Variants in GPC5 observed in about 807,000 individuals in gnomAD.
GPC5 encodes glypican-5.
A neutral mutation model predicts 53.9 loss-of-function variants in GPC5; 47 were observed. That is an observed-to-expected ratio of 0.87 (90% CI 0.69 to 1.11). The LOEUF is 1.11. Among genes scored for constraint, GPC5 ranks in the 50% most tolerant of loss-of-function variants. GPC5 has a pLI of 0.00. For missense variants in GPC5, 748 were observed against 713.1 expected, an observed-to-expected ratio of 1.05 and a Z score of -0.56; for synonymous variants, 286 against 263.3, an observed-to-expected ratio of 1.09 and a Z score of -0.84.
chr13:92,513,444 C>T (rs1880649977), intron 7 of GPC5, among the ~76,000 whole-genome samples: 1 of 149,594 alleles, frequency 6.7e-6, no homozygotes. Context: ...TTTCCACATC[C>T]TAGTTAAAAA....
chr13:92,756,098 C>T (rs200906200), intron 7 of GPC5, among the ~76,000 whole-genome samples: 4 of 151,476 alleles, frequency 2.6e-5, no homozygotes, highest in Non-Finnish European at 5.9e-5. Context: ...ACTGGCAAAA[C>T]GAATCCAGCA....
chr13:92,119,673 G>A (rs2041632689), intron 6 of GPC5, among the ~76,000 whole-genome samples: 1 of 147,754 alleles, frequency 6.8e-6, no homozygotes, highest in Non-Finnish European at 1.5e-5. Flanking sequence ...GCCCGCTTCG[G>A]CCTCCCAAAG....
intron 2 of GPC5, among the ~76,000 whole-genome samples, chr13:91,532,611 A>T (rs4771839): frequency 0.85 from 128,808 of 152,110 alleles, 56,278 homozygotes; most frequent in East Asian, 1. Flanking sequence ...CACACCTGTA[A>T]TCCCAGCACT....
intron 7 of GPC5, among the ~76,000 whole-genome samples, chr13:92,152,497 T>C (rs750095203): frequency 6.6e-6 from 1 of 152,178 alleles, no homozygotes; most frequent in Admixed American, 6.5e-5. Flanking sequence ...GGTAGTTTTT[T>C]AAAAATGCTT....
intron 7 of GPC5, among the ~76,000 whole-genome samples, chr13:92,151,504 T>G (rs2138993122): frequency 6.6e-6 from 1 of 152,284 alleles, no homozygotes; most frequent in Non-Finnish European, 1.5e-5. Context: ...ATCATATGAT[T>G]AAGGACATTT....
At chr13:92,073,258 C>A (rs2041227319) in intron 6 of GPC5, among the ~76,000 whole-genome samples, 1 of 152,150 alleles carries the variant, frequency 6.6e-6, no homozygotes, top group South Asian at 2.1e-4. Context: ...TTTGCTTATT[C>A]ATAACTATAG....
intron 7 of GPC5, among the ~76,000 whole-genome samples, chr13:92,612,664 A>G (rs577847348): frequency 6.2e-4 from 95 of 152,116 alleles, no homozygotes; most frequent in Non-Finnish European, 1.3e-3. Flanking sequence ...CTCACATTGC[A>G]CTATAGAGAT....
intron 2 of GPC5, among the ~76,000 whole-genome samples, chr13:91,641,020 C>T (rs2034413833): frequency 6.6e-6 from 1 of 152,086 alleles, no homozygotes. Flanking sequence ...AGCAAACTAA[C>T]ACAGGAACAG....
intron 7 of GPC5, among the ~76,000 whole-genome samples, chr13:92,355,823 A>G (rs549688748): frequency 6.6e-6 from 1 of 151,796 alleles, no homozygotes; most frequent in South Asian, 2.1e-4. Context: ...TCTATGTCTA[A>G]TACTGTCAAT....
chr13:91,827,950 G>A (rs1379747439), intron 5 of GPC5, among the ~76,000 whole-genome samples: 1 of 151,986 alleles, frequency 6.6e-6, no homozygotes, highest in East Asian at 1.9e-4. Context: ...TCCATCAACA[G>A]CAGAAAAGAT....
intron 2 of GPC5, among the ~76,000 whole-genome samples, chr13:91,577,602 C>G (rs899938325): frequency 6.6e-6 from 1 of 152,186 alleles, no homozygotes; most frequent in Admixed American, 6.5e-5. Flanking sequence ...CCAGAACATT[C>G]ACATTGCATG....
chr13:92,848,359 T>G (rs1482267720), intron 7 of GPC5, among the ~76,000 whole-genome samples: 2 of 152,092 alleles, frequency 1.3e-5, no homozygotes, highest in Non-Finnish European at 2.9e-5. Context: ...TCTCCTAGCA[T>G]GAATTCTGTG....
intron 7 of GPC5, among the ~76,000 whole-genome samples, chr13:92,295,645 A>G (rs1414857397): frequency 6.6e-6 from 1 of 152,164 alleles, no homozygotes; most frequent in Non-Finnish European, 1.5e-5. Context: ...CTCCAGTATT[A>G]GGTGCATATA....
At chr13:91,771,375 C>T (rs571151201) in intron 5 of GPC5, among the ~76,000 whole-genome samples, 7 of 152,190 alleles carry the variant, frequency 4.6e-5, no homozygotes, top group African/African-American at 1.4e-4. Flanking sequence ...GCTATTCTTG[C>T]GTCTTTGAAG....
intron 7 of GPC5, among the ~76,000 whole-genome samples, chr13:92,223,923 A>T (rs886865963): frequency 1.3e-5 from 2 of 152,150 alleles, no homozygotes; most frequent in Non-Finnish European, 2.9e-5. Flanking sequence ...TCATTCCAAG[A>T]ATATAAGAGG....
At chr13:91,432,911 C>T (rs772647019) in intron 1 of GPC5, among the ~76,000 whole-genome samples, 8 of 152,154 alleles carry the variant, frequency 5.3e-5, no homozygotes, top group East Asian at 3.9e-4. Flanking sequence ...TGAGCTAAGA[C>T]GGTGGCTTAT....
intron 7 of GPC5, among the ~76,000 whole-genome samples, chr13:92,158,599 C>T (rs4773670): frequency 0.37 from 56,549 of 151,692 alleles, 10,830 homozygotes; most frequent in South Asian, 0.61. Context: ...CTTCACGCCC[C>T]GCATTTAATA....
chr13:91,603,499 T>G (rs1042313996), intron 2 of GPC5, among the ~76,000 whole-genome samples: 1 of 152,246 alleles, frequency 6.6e-6, no homozygotes, highest in Non-Finnish European at 1.5e-5. Context: ...AAATTCTCAA[T>G]GGGCTTTGCA....
intron 3 of GPC5, among the ~76,000 whole-genome samples, chr13:91,726,130 T>C (rs189930420): frequency 2.6e-5 from 4 of 152,302 alleles, no homozygotes; most frequent in Admixed American, 2.6e-4. Flanking sequence ...TATACTTCAC[T>C]ATCACTATTT....
Sources: allele counts gnomAD v4.1 joint callset (sites outside exome capture counted in the v4.1 genomes callset), GRCh38; gene constraint gnomAD v4.1.1; transcripts MANE v1.5; gene names NCBI Gene and HGNC (gene_info 2026-07-23, HGNC 2026-07-21).